The following KIAA1217 variants were observed in gnomAD, a reference collection of about 807,000 sequenced individuals.
KIAA1217 encodes the protein sickle tail protein homolog.
KIAA1217 carries 88 observed loss-of-function variants against 163.9 expected under a neutral mutation model. The observed-to-expected ratio is 0.54, with a 90% CI of 0.45 to 0.64. The LOEUF is 0.64. Ranked by LOEUF, KIAA1217 falls within the 30% of genes least tolerant of loss-of-function variation. The probability of loss-of-function intolerance (pLI) is 0.00; values close to 1 mark genes in which losing one functional copy is unlikely to be tolerated. For missense variants in KIAA1217, 2,372 were observed against 2,475.0 expected (o/e 0.96, Z 0.88); for synonymous variants, 903 against 923.1 (o/e 0.98, Z 0.39).
intron 1 of KIAA1217, among the ~76,000 whole-genome samples, chr10:23,775,502 C>G (rs1834970912): frequency 6.6e-6 from 1 of 152,108 alleles, no homozygotes; most frequent in Non-Finnish European, 1.5e-5. Context: ...GTGCACCCGG[C>G]ACTGAGAAAT....
chr10:24,125,074 C>A (rs1164833227), intron 2 of KIAA1217, among the ~76,000 whole-genome samples: 1 of 152,060 alleles, frequency 6.6e-6, no homozygotes, highest in Non-Finnish European at 1.5e-5. Context: ...GAGTTTGAGA[C>A]AAGCCTGGCC....
intron 1 of KIAA1217, among the ~76,000 whole-genome samples, chr10:23,798,540 T>C (rs1836316162): frequency 6.6e-6 from 1 of 152,188 alleles, no homozygotes; most frequent in Admixed American, 6.5e-5. Context: ...AGACTACCTC[T>C]TGAGTATAGT....
At chr10:24,004,656 C>T (rs560242470) in intron 1 of KIAA1217, among the ~76,000 whole-genome samples, 5 of 152,340 alleles carry the variant, frequency 3.3e-5, no homozygotes, top group African/African-American at 9.6e-5. Flanking sequence ...GGTGTATTTT[C>T]ATGTCCTGTT....
intron 2 of KIAA1217, among the ~76,000 whole-genome samples, chr10:24,367,655 A>G (rs1475508194): frequency 6.6e-6 from 1 of 152,204 alleles, no homozygotes; most frequent in Non-Finnish European, 1.5e-5. Flanking sequence ...GCTCAGTTCC[A>G]ATGTGTCCAA....
chr10:23,755,560 G>C (rs1312879930), intron 1 of KIAA1217, among the ~76,000 whole-genome samples: 1 of 152,124 alleles, frequency 6.6e-6, no homozygotes, highest in Non-Finnish European at 1.5e-5. Flanking sequence ...TGGTGGCCTC[G>C]AGTGAGGAGC....
chr10:24,074,975 A>C (rs1414677708), intron 2 of KIAA1217, among the ~76,000 whole-genome samples: 1 of 152,088 alleles, frequency 6.6e-6, no homozygotes, highest in East Asian at 1.9e-4. Context: ...CTGAGATTAC[A>C]GACATGAGTC....
At chr10:24,100,388 A>G (rs1266089051) in intron 2 of KIAA1217, among the ~76,000 whole-genome samples, 2 of 152,188 alleles carry the variant, frequency 1.3e-5, no homozygotes, top group Non-Finnish European at 2.9e-5. Context: ...AGCAATAGTG[A>G]ACTTGTAACA....
chr10:24,017,349 C>A (rs538021406), intron 2 of KIAA1217, among the ~76,000 whole-genome samples: 1 of 152,088 alleles, frequency 6.6e-6, no homozygotes, highest in Non-Finnish European at 1.5e-5. Flanking sequence ...CATGAGCCAC[C>A]GTGCCCAGCC....
chr10:24,468,714 G>T (rs900018606), intron 5 of KIAA1217, among the ~76,000 whole-genome samples: 2 of 152,164 alleles, frequency 1.3e-5, no homozygotes, highest in Non-Finnish European at 2.9e-5. Flanking sequence ...ATTGGCTGAG[G>T]TCCCATTCTG....
chr10:24,000,815 A>C (rs1846706248), intron 1 of KIAA1217, among the ~76,000 whole-genome samples: 1 of 152,242 alleles, frequency 6.6e-6, no homozygotes, highest in African/African-American at 2.4e-5. Context: ...GCTTCACCCC[A>C]GGTCGAGCAC....
chr10:24,203,614 C>T (rs576929623), intron 2 of KIAA1217, among the ~76,000 whole-genome samples: 1 of 151,258 alleles, frequency 6.6e-6, no homozygotes, highest in African/African-American at 2.4e-5. Flanking sequence ...AGGAGAAGCT[C>T]AAGGGCAGAA....
intron 2 of KIAA1217, among the ~76,000 whole-genome samples, chr10:24,100,990 T>C (rs1332269381): frequency 6.6e-6 from 1 of 152,238 alleles, no homozygotes; most frequent in Admixed American, 6.5e-5. Context: ...TTGTGGCCAC[T>C]TTGTGGCCCT....
intron 1 of KIAA1217, among the ~76,000 whole-genome samples, chr10:24,005,519 T>TAG (rs1846953703): frequency 6.6e-6 from 1 of 152,170 alleles, no homozygotes; most frequent in Non-Finnish European, 1.5e-5. Context: ...TCCCAGACTT[T>TAG]GAAGTCACAC....
chr10:23,794,929 A>G (rs1439281911), intron 1 of KIAA1217, among the ~76,000 whole-genome samples: 1 of 152,278 alleles, frequency 6.6e-6, no homozygotes, highest in South Asian at 2.1e-4. Flanking sequence ...AGCTGATTAC[A>G]TTTCGCCTGA....
At chr10:24,207,102 C>T (rs548851863), upstream of KIAA1217, among the ~76,000 whole-genome samples, 2 of 152,248 alleles carry the variant, frequency 1.3e-5, no homozygotes, top group South Asian at 2.1e-4. Flanking sequence ...TGTGGCAGCC[C>T]TCTGCTGCCT....
intron 1 of KIAA1217, among the ~76,000 whole-genome samples, chr10:24,002,119 G>T (rs995691718): frequency 6.6e-6 from 1 of 152,186 alleles, no homozygotes; most frequent in Non-Finnish European, 1.5e-5. Context: ...ATCTCACGGG[G>T]CTCTCAGGGC....
intron 1 of KIAA1217, among the ~76,000 whole-genome samples, chr10:23,924,445 T>C (rs911659604): frequency 2.0e-5 from 3 of 152,156 alleles, no homozygotes; most frequent in Middle Eastern, 3.2e-3. Flanking sequence ...TTTAAATGCC[T>C]CTATAGTGTA....
chr10:23,707,670 C>T (rs1052053215), intron 1 of KIAA1217, among the ~76,000 whole-genome samples: 2 of 152,122 alleles, frequency 1.3e-5, no homozygotes, highest in African/African-American at 4.8e-5. Flanking sequence ...AAAGTCCGGA[C>T]TTTACCACTA....
At chr10:24,397,745 A>G (rs1387492257) in intron 3 of KIAA1217, among the ~76,000 whole-genome samples, 1 of 152,192 alleles carries the variant, frequency 6.6e-6, no homozygotes, top group Admixed American at 6.5e-5. Context: ...TCACTTGAAC[A>G]TTCCAGCAAT....
Sources: allele counts gnomAD v4.1 joint callset (sites outside exome capture counted in the v4.1 genomes callset), GRCh38; gene constraint gnomAD v4.1.1; transcripts MANE v1.5; gene names NCBI Gene and HGNC (gene_info 2026-07-23, HGNC 2026-07-21).